Variants in KCNAB3 observed in about 807,000 individuals in gnomAD.
The protein encoded by KCNAB3 is potassium voltage-gated channel subfamily A regulatory beta subunit 3.
A neutral mutation model predicts 67.7 loss-of-function variants in KCNAB3; 62 were observed. The observed-to-expected ratio is 0.92, with a 90% CI of 0.75 to 1.13. The LOEUF (loss-of-function observed/expected upper bound fraction) is 1.13. KCNAB3 is among the 50% of genes most tolerant of loss of function. The pLI is 0.00. For missense variants in KCNAB3, 514 were observed against 522.9 expected (o/e 0.98, Z 0.17); for synonymous variants, 212 against 205.4 (o/e 1.03, Z -0.27).
rs1972365550 is a variant in KCNAB3 at position 7,929,787 on chromosome 17, G to A, written c.-352C>T. 12 of 1,141,940 alleles carry A rather than the reference G, an allele frequency of 1.1e-5. No homozygotes were observed. Among genetic ancestry groups the A allele is most frequent in the African/African-American group, 1.7e-5 (1 of 59,168 alleles). 70.7% of individuals were successfully genotyped at this position (1,141,940 alleles called of 1,614,324 possible). A position where few individuals can be genotyped will look rare whatever the true frequency, so the allele number is the denominator to read the frequency against. On this transcript the variant is annotated 5_prime_UTR_variant, in exon 1 of 14. Coordinates refer to ENST00000303790, the MANE Select transcript of KCNAB3 (RefSeq NM_004732.4). This position sits in a 1 kb window ranked among gnomAD's most constrained non-coding sequence, Gnocchi z 5.7. ...CCAGGGGGAAGCGGGGCGGGAGAGAGATGCCACTTCAGCGCGAACCGCTGC... is the reference window on the plus strand; with the variant it reads ...CCAGGGGGAAGCGGGGCGGGAGAGAAATGCCACTTCAGCGCGAACCGCTGC...
In KCNAB3 at chr17:7,929,805, ACCGCTGCGGGAC is replaced by A; in HGVS notation, c.-382_-371del. The A allele has an allele frequency of 9.7e-7, 1 of 1,034,860 alleles. No individual in the cohort carries two copies. The highest frequency in any genetic ancestry group is 1.2e-6 in the Non-Finnish European group (1 of 861,460). 64.1% of individuals were successfully genotyped at this position (1,034,860 alleles called of 1,614,324 possible). Reference sequence around the variant, plus strand: ...GGAGAGAGATGCCACTTCAGCGCGAACCGCTGCGGGACCCGCTGGGCTCCCAGCCGCGTCGGC... The same window carrying A: ...GGAGAGAGATGCCACTTCAGCGCGAACCGCTGGGCTCCCAGCCGCGTCGGC... On this transcript the variant is annotated 5_prime_UTR_variant, in exon 1 of 14. Transcript: ENST00000303790. The surrounding 1 kb of genome is among the most constrained non-coding windows in gnomAD (Gnocchi z 5.7).
intron 1 of KCNAB3, chr17:7,928,059 C>CAG (rs1344590934): frequency 3.3e-6 from 2 of 603,686 alleles, no homozygotes; most frequent in Non-Finnish European, 5.9e-6. Flanking sequence ...AGCCACTGTC[C>CAG]AGAGTCTCCA....
At chr17:7,928,096 C>CA (rs1183577591) in intron 1 of KCNAB3, 14 of 577,064 alleles carry the variant, frequency 2.4e-5, no homozygotes, top group Non-Finnish European at 4.0e-5. Context: ...TGAAGACGTG[C>CA]AGTCTGGTTT....
rs746145036 is a variant in KCNAB3 at position 7,925,936 on chromosome 17, T to C, written c.489A>G (p.Gly163=). 1 of 1,575,290 alleles carries C rather than the reference T, an allele frequency of 6.3e-7. No homozygotes were observed. Residue 163 remains glycine (G), a synonymous_variant, in exon 6 of 14, where the codon GGA becomes GGG. Coordinates refer to ENST00000303790, the MANE Select transcript of KCNAB3 (RefSeq NM_004732.4). Reference sequence around the variant, plus strand: ...GCAGTGGGGCAGCCACTTACTGTCCTCCCCAAAAAATCTTGGTAGTGATGA... The same window carrying C: ...GCAGTGGGGCAGCCACTTACTGTCCCCCCCAAAAAATCTTGGTAGTGATGA... The part of the protein sequence containing the change: ...SYVITTKIFW[G]GQAETERGLS...
chr17:7,924,647 T>A, intron 8 of KCNAB3, 147 bp from the exon 9 acceptor site: 1 of 1,396,932 alleles, frequency 7.2e-7, no homozygotes, highest in Non-Finnish European at 9.3e-7. Context: ...TCTCTTCCTG[T>A]CCACATCCTG....
In KCNAB3 at chr17:7,929,216, G is replaced by C; in HGVS notation, c.220C>G (p.Arg74Gly). Residue 74 changes from arginine (R) to glycine (G), a missense_variant, in exon 1 of 14, where the codon CGA becomes GGA. Physicochemically the swap from Arg to Gly is moderately radical, Grantham distance 125. Transcript: ENST00000303790. The surrounding 1 kb of genome is among the most constrained non-coding windows in gnomAD (Gnocchi z 5.7). ...TACCTGTATTTCATGCCAGTGCCTC[G>C]GCCGGTGCTCTCTCGGAGGGCCCCA... ...PAGALRESTG[R>G]GTGMKYRNLG... 6.2e-7 allele frequency: 1 copy of C among 1,611,834 alleles called. No homozygotes were observed. The highest frequency in any genetic ancestry group is 8.5e-7 in the Non-Finnish European group (1 of 1,179,580).
At chr17:7,924,679 A>T in intron 8 of KCNAB3, 179 bp from the exon 9 acceptor site, 1 of 1,372,578 alleles carries the variant, frequency 7.3e-7, no homozygotes, top group South Asian at 1.9e-5. Flanking sequence ...TCCACTGTGG[A>T]GTTTTGGAGG....
Position 7,929,827 on chromosome 17 carries a change from TCCC to T in KCNAB3, c.-395_-393del. 1.3e-5 allele frequency: 13 copies of T among 1,026,654 alleles called. No homozygotes were observed. The Admixed American group carries it at 2.2e-4, about 17-fold the overall frequency. 63.6% of individuals were successfully genotyped at this position (1,026,654 alleles called of 1,614,324 possible). On this transcript the variant is annotated 5_prime_UTR_variant, in exon 1 of 14. Transcript: ENST00000303790. The surrounding 1 kb of genome is among the most constrained non-coding windows in gnomAD (Gnocchi z 5.7). Reference sequence around the variant, plus strand: ...CGAACCGCTGCGGGACCCGCTGGGCTCCCAGCCGCGTCGGCAGCGGGCCCAGCT... The same window carrying T: ...CGAACCGCTGCGGGACCCGCTGGGCTAGCCGCGTCGGCAGCGGGCCCAGCT...
At position 7,927,396 on chromosome 17, in the gene KCNAB3, A is replaced by G. The variant is rs764032600; in HGVS notation, c.352T>C (p.Tyr118His). 1 of 1,613,940 alleles carries G rather than the reference A, an allele frequency of 6.2e-7. No individual in the cohort carries two copies. The highest frequency in any genetic ancestry group is 8.5e-7 in the Non-Finnish European group (1 of 1,180,006). ...ETAEDVLTVA[Y>H]EHGVNLFDTA... The stretch of plus-strand genomic sequence containing the variant: ...TCAAACAGGTTTACACCATGCTCAT[A>G]GGCTACAGTCAGCACATCCTCTGCT... The change falls in exon 4 of 14, where the codon TAT (tyrosine) becomes CAT (histidine). Residue 118 changes from tyrosine (Y) to histidine (H), a missense_variant. By Grantham distance (83) the Tyr-to-His change is moderately conservative. Coordinates refer to ENST00000303790, the MANE Select transcript of KCNAB3 (RefSeq NM_004732.4).
Position 7,924,032 on chromosome 17 carries a change from G to C in KCNAB3, c.863C>G (p.Ala288Gly). The C allele has an allele frequency of 1.2e-6, 2 of 1,614,056 alleles. No homozygotes were observed. The highest frequency in any genetic ancestry group is 1.7e-6 in the Non-Finnish European group (2 of 1,180,004). ...GVGSVTWYPLACGLITSKYDG... is the reference protein window; with the variant it reads ...GVGSVTWYPLGCGLITSKYDG... ...ATACTTGCTAGTAATGAGACCACAG[G>C]CTAGAGGGTACCAAGTGACTGATCC... is the stretch of plus-strand genomic sequence containing the variant. The change falls in exon 11 of 14, where the codon GCC becomes GGC. Residue 288 changes from alanine (A) to glycine (G), a missense_variant. By Grantham distance (60) the Ala-to-Gly change is moderately conservative. Coordinates refer to ENST00000303790, the MANE Select transcript of KCNAB3 (RefSeq NM_004732.4).
At chr17:7,924,690 C>G (rs1012960020) in intron 8 of KCNAB3, 190 bp from the exon 9 acceptor site, 1 of 1,362,164 alleles carries the variant, frequency 7.3e-7, no homozygotes, top group Non-Finnish European at 9.4e-7. Context: ...GTTTTGGAGG[C>G]CTTCTGAGCA....
chr17:7,929,479 G>A lies in KCNAB3; in HGVS notation c.-44C>T, dbSNP rs774514910. Reference sequence around the variant, plus strand: ...GGGAGGGGGCTCCGAGGGGACGGGAGGGGGGAGCAGGGAAGCCCGAGGGCT... The same window carrying A: ...GGGAGGGGGCTCCGAGGGGACGGGAAGGGGGAGCAGGGAAGCCCGAGGGCT... On this transcript the variant is annotated 5_prime_UTR_variant, in exon 1 of 14. Transcript: ENST00000303790. The surrounding 1 kb of genome is among the most constrained non-coding windows in gnomAD (Gnocchi z 5.7). 17 of 1,538,606 alleles carry A rather than the reference G, an allele frequency of 1.1e-5. No individual in the cohort carries two copies. Among genetic ancestry groups the A allele is most frequent in the African/African-American group, 8.2e-5 (6 of 72,748 alleles).
intron 3 of KCNAB3, 24 bp from the exon 4 acceptor site, chr17:7,927,447 A>G (rs770354926): frequency 1.2e-6 from 2 of 1,607,112 alleles, no homozygotes; most frequent in South Asian, 1.1e-5. Flanking sequence ...AGAGGTAAAG[A>G]TCAACTACTG....
intron 4 of KCNAB3, 159 bp downstream of exon 4, chr17:7,927,185 G>A: frequency 1.4e-6 from 1 of 711,990 alleles, no homozygotes. Flanking sequence ...CTAATGTTGG[G>A]ACTGTAGCTC....
In KCNAB3 at chr17:7,925,679, T is replaced by G. The variant is rs1286366409; in HGVS notation, c.538+4A>C. Reference sequence around the variant, plus strand: ...ACTTTGGGTTTCCAGCCCCTAACTCTCACCCTCAATGATGTGCTTTCGGCT... The same window carrying G: ...ACTTTGGGTTTCCAGCCCCTAACTCGCACCCTCAATGATGTGCTTTCGGCT... On this transcript the variant is annotated splice_donor_region_variant and intron_variant, in intron 7 of 13. Coordinates refer to ENST00000303790, the MANE Select transcript of KCNAB3 (RefSeq NM_004732.4). The G allele has an allele frequency of 6.2e-7, 1 of 1,613,916 alleles. No individual in the cohort carries two copies. The highest frequency in any genetic ancestry group is 2.2e-5 in the East Asian group (1 of 44,864).
Position 7,923,462 on chromosome 17 carries a change from C to G in KCNAB3, c.1131G>C (p.Ala377=). Residue 377 remains alanine (A), a synonymous_variant, in exon 13 of 14, where the codon GCG becomes GCC. Coordinates refer to ENST00000303790, the MANE Select transcript of KCNAB3 (RefSeq NM_004732.4). ...CTCTGAGTCCCCGGCTCACCTGTAG[C>G]GCGCCCAGGTGTTCTATCAACTGCT... The part of the protein sequence containing the change: ...SAEQLIEHLG[A]LQVLSQLTPQ... The G allele has an allele frequency of 6.2e-7, 1 of 1,609,190 alleles. No individual in the cohort carries two copies. Among genetic ancestry groups the G allele is most frequent in the South Asian group, 1.1e-5 (1 of 90,060 alleles).
In KCNAB3 at chr17:7,929,835, G is replaced by GTATTT; in HGVS notation, c.-401_-400insAAATA. On this transcript the variant is annotated 5_prime_UTR_variant, in exon 1 of 14. Transcript: ENST00000303790. The surrounding 1 kb of genome is among the most constrained non-coding windows in gnomAD (Gnocchi z 5.7). Reference sequence around the variant, plus strand: ...TGCGGGACCCGCTGGGCTCCCAGCCGCGTCGGCAGCGGGCCCAGCTCATCA... The same window carrying GTATTT: ...TGCGGGACCCGCTGGGCTCCCAGCCGTATTTCGTCGGCAGCGGGCCCAGCTCATCA... 10 of 1,029,896 alleles carry GTATTT rather than the reference G, an allele frequency of 9.7e-6. No homozygotes were observed. The South Asian group carries it at 1.7e-4, about 18-fold the overall frequency. The allele number at this position is 1,029,896 out of a possible 1,614,324, so 63.8% of individuals were successfully genotyped here.
Position 7,929,149 on chromosome 17 carries a change from C to A in KCNAB3, c.242+45G>T. On this transcript the variant is annotated intron_variant, in intron 1 of 13. Transcript: ENST00000303790. This position sits in a 1 kb window ranked among gnomAD's most constrained non-coding sequence, Gnocchi z 5.7. ...GCCATCTCAAGCAGTCTCAGGGGTC[C>A]CGAAAGGAAAGCGGAAGGGGTGGGC... 6.2e-7 allele frequency: 1 copy of A among 1,604,148 alleles called. No individual in the cohort carries two copies. The highest frequency in any genetic ancestry group is 8.5e-7 in the Non-Finnish European group (1 of 1,176,676).
At position 7,929,378 on chromosome 17, in the gene KCNAB3, G is replaced by C; in HGVS notation, c.58C>G (p.Arg20Gly). ...GGGCCCGGCCGGGGTCCACACAGAC[G>C]GTCCTCACTGCTCCGGCTGCGAAGG... ...QNLRSRSSED[R>G]LCGPRPGPGG... Residue 20 changes from arginine to glycine, a missense_variant, in exon 1 of 14, where the codon CGT becomes GGT. Arg to Gly is a moderately radical substitution (Grantham distance 125). Coordinates refer to ENST00000303790, the MANE Select transcript of KCNAB3 (RefSeq NM_004732.4). The surrounding 1 kb of genome is among the most constrained non-coding windows in gnomAD (Gnocchi z 5.7). 1 of 1,548,848 alleles carries C rather than the reference G, an allele frequency of 6.5e-7. No individual in the cohort carries two copies. Among genetic ancestry groups the C allele is most frequent in the Non-Finnish European group, 8.7e-7 (1 of 1,146,566 alleles).
Sources: gnomAD v4.1 joint callset for allele counts on GRCh38, gnomAD v4.1.1 for gene constraint, Gnocchi (gnomAD v3.1) non-coding constraint, MANE v1.5 for transcripts, NCBI Gene and HGNC (gene_info 2026-07-23, HGNC 2026-07-21) for gene names.